The following PCDHA6 variants were observed in gnomAD, a reference collection of about 807,000 sequenced individuals.
The protein encoded by PCDHA6 is protocadherin alpha-6.
Under a neutral mutation model 60.3 loss-of-function variants are expected in PCDHA6, and 55 were observed. The ratio of observed to expected loss-of-function variants is 0.91; its 90% CI spans 0.73 to 1.14. PCDHA6 has a LOEUF of 1.14. Among genes scored for constraint, PCDHA6 ranks in the 50% most tolerant of loss-of-function variants. The probability of loss-of-function intolerance (pLI) is 0.00; values close to 1 mark genes in which losing one functional copy is unlikely to be tolerated. For missense variants in PCDHA6, 1,327 were observed against 1,256.5 expected (o/e 1.06, Z -0.85); for synonymous variants, 652 against 557.9 (o/e 1.17, Z -2.38).
intron 1 of PCDHA6, among the ~76,000 whole-genome samples, chr5:140,831,711 T>C (rs1771678683): frequency 6.6e-6 from 1 of 152,072 alleles, no homozygotes; most frequent in East Asian, 1.9e-4. Context: ...TGATTAAGTG[T>C]GAGTTTTGGT....
At chr5:140,870,338 T>C in intron 1 of PCDHA6, 1 of 1,614,186 alleles carries the variant, frequency 6.2e-7, no homozygotes, top group Non-Finnish European at 8.5e-7. Context: ...GACAGCGCCC[T>C]GGACCGCGAG....
Position 141,009,469 on chromosome 5 carries a change from A to G in PCDHA6, c.2543-158A>G, listed in dbSNP as rs1440766583. On this transcript the variant is annotated intron_variant, in intron 3 of 3. Transcript: ENST00000529310. Reference sequence around the variant, plus strand: ...AAAAAAATTAAACAAATAAATAAATAAGTAAACACTTGCCTTGCCCTCAGA... The same window carrying G: ...AAAAAAATTAAACAAATAAATAAATGAGTAAACACTTGCCTTGCCCTCAGA... 6 of 956,242 alleles carry G rather than the reference A, an allele frequency of 6.3e-6. No homozygotes were observed. The African/African-American group carries it at 7.1e-5, about 11-fold the overall frequency. 59.2% of individuals were successfully genotyped at this position (956,242 alleles called of 1,614,324 possible). A position where few individuals can be genotyped will look rare whatever the true frequency, so the allele number is the denominator to read the frequency against.
chr5:140,854,873 T>C (rs575703507), intron 1 of PCDHA6, among the ~76,000 whole-genome samples: 7 of 150,078 alleles, frequency 4.7e-5, no homozygotes, highest in African/African-American at 1.7e-4. Flanking sequence ...TTCAGAACTG[T>C]GTCTTTTGGG....
chr5:140,836,961 G>A, intron 1 of PCDHA6: 1 of 400,098 alleles, frequency 2.5e-6, no homozygotes, highest in Non-Finnish European at 4.3e-6. Context: ...GTTTATGTTG[G>A]CTACTCTCCA....
Position 140,848,453 on chromosome 5 carries a change from T to C in PCDHA6, c.2394+17968T>C. On this transcript the variant is annotated intron_variant, in intron 1 of 3. Transcript: ENST00000529310. ...CGAAATCAGATGATTTCTTCTAATT[T>C]GGAGGCAATTTTCACTAATTAGAAG... is the stretch of plus-strand genomic sequence containing the variant. 2.0e-6 allele frequency: 3 copies of C among 1,519,952 alleles called. 1 individual carries two copies. Among genetic ancestry groups the C allele is most frequent in the Non-Finnish European group, 2.7e-6 (3 of 1,116,942 alleles). The allele number at this position is 1,519,952 out of a possible 1,614,324, so 94.2% of individuals were successfully genotyped here. A position where few individuals can be genotyped will look rare whatever the true frequency, so the allele number is the denominator to read the frequency against.
intron 1 of PCDHA6, among the ~76,000 whole-genome samples, chr5:140,886,052 CT>C (rs1247635205): frequency 6.6e-6 from 1 of 152,122 alleles, no homozygotes; most frequent in Non-Finnish European, 1.5e-5. Flanking sequence ...ATAGTAACAT[CT>C]TACAAAAGCG....
At position 140,883,293 on chromosome 5, in the gene PCDHA6, A is replaced by G. The variant is rs1324977852; in HGVS notation, c.2394+52808A>G. On this transcript the variant is annotated intron_variant, in intron 1 of 3. Coordinates refer to ENST00000529310, the MANE Select transcript of PCDHA6 (RefSeq NM_018909.4). ...TGTACCCTTTTGGTGGAAGTACTAGATGTAAATGATAACGCCCCAGAGGTT... is the reference window on the plus strand; with the variant it reads ...TGTACCCTTTTGGTGGAAGTACTAGGTGTAAATGATAACGCCCCAGAGGTT... 2 of 1,614,102 alleles carry G rather than the reference A, an allele frequency of 1.2e-6. No homozygotes were observed. Among genetic ancestry groups the G allele is most frequent in the Non-Finnish European group, 1.7e-6 (2 of 1,180,026 alleles).
At position 141,009,998 on chromosome 5, in the gene PCDHA6, T is replaced by C. The variant is rs1046818514; in HGVS notation, c.*61T>C. 6 of 1,575,876 alleles carry C rather than the reference T, an allele frequency of 3.8e-6. No individual in the cohort carries two copies. The African/African-American group carries it at 5.5e-5, about 14-fold the overall frequency. ...TTGTAATAATGGCAAATCTCTCCCA[T>C]GTAGCAATTCCCTGCTCCTTTTTCC... is the stretch of plus-strand genomic sequence containing the variant. On this transcript the variant is annotated 3_prime_UTR_variant, in exon 4 of 4. Transcript: ENST00000529310.
At chr5:140,830,567 G>C (rs1771136580) in intron 1 of PCDHA6, 82 bp downstream of exon 1, 1 of 950,998 alleles carries the variant, frequency 1.1e-6, no homozygotes, top group South Asian at 3.4e-5. Flanking sequence ...CTATATTTCT[G>C]TTTTTAATTT....
intron 1 of PCDHA6, among the ~76,000 whole-genome samples, chr5:140,907,664 T>G (rs2073522534): frequency 6.6e-6 from 1 of 152,216 alleles, no homozygotes; most frequent in Non-Finnish European, 1.5e-5. Context: ...CAGCAGTGGC[T>G]GTAGCCAGGT....
intron 1 of PCDHA6, chr5:140,868,910 T>C: frequency 2.3e-6 from 2 of 888,770 alleles, no homozygotes; most frequent in South Asian, 3.8e-5. Flanking sequence ...GCTCTTTACT[T>C]GGTGGAAAGT....
At chr5:140,857,465 ATCT>A in intron 1 of PCDHA6, 1 of 1,598,478 alleles carries the variant, frequency 6.3e-7, no homozygotes, top group Non-Finnish European at 8.6e-7. Context: ...AGGCTGCCAC[ATCT>A]TCACGGTGTC....
chr5:140,923,461 A>G (rs530510417), intron 1 of PCDHA6, among the ~76,000 whole-genome samples: 97 of 152,204 alleles, frequency 6.4e-4, no homozygotes, highest in African/African-American at 2.2e-3. Context: ...CCAGAGAGGT[A>G]GGGGCTGCAG....
intron 1 of PCDHA6, chr5:140,836,349 G>T (rs2150258385): frequency 6.2e-7 from 1 of 1,613,710 alleles, no homozygotes; most frequent in Non-Finnish European, 8.5e-7. Context: ...GGACCACGGG[G>T]AGCCCTCGCT....
chr5:141,009,650 C>G lies in PCDHA6; in HGVS notation c.2566C>G (p.Pro856Ala). Residue 856 changes from proline to alanine, a missense_variant, in exon 4 of 4, where the codon CCT becomes GCT. Transcript: ENST00000529310. The part of the protein sequence containing the change: ...TPEPEAGEVS[P>A]PVGAGVNSNS... ...AGAACCAGAGGCAGGAGAAGTGTCCCCTCCAGTCGGTGCGGGTGTCAACAG... is the reference window on the plus strand; with the variant it reads ...AGAACCAGAGGCAGGAGAAGTGTCCGCTCCAGTCGGTGCGGGTGTCAACAG... 1 of 1,613,886 alleles carries G rather than the reference C, an allele frequency of 6.2e-7. No individual in the cohort carries two copies. Among genetic ancestry groups the G allele is most frequent in the Non-Finnish European group, 8.5e-7 (1 of 1,179,918 alleles).
At position 140,870,703 on chromosome 5, in the gene PCDHA6, G is replaced by C. The variant is rs899824906; in HGVS notation, c.2394+40218G>C. On this transcript the variant is annotated intron_variant, in intron 1 of 3. Coordinates refer to ENST00000529310, the MANE Select transcript of PCDHA6 (RefSeq NM_018909.4). ...GGAGCTGGAGCTGCTACAGTTCCAG[G>C]TGAGCGCGCGCGATGCGGGCGTGCC... is the stretch of plus-strand genomic sequence containing the variant. 6 of 1,613,034 alleles carry C rather than the reference G, an allele frequency of 3.7e-6. No homozygotes were observed. In the Admixed American group the frequency reaches 1.0e-4, roughly 27 times the overall value.
intron 1 of PCDHA6, chr5:140,966,860 T>C (rs1586162562): frequency 3.2e-6 from 5 of 1,577,484 alleles, no homozygotes; most frequent in East Asian, 2.3e-5. Context: ...CCTGCTGCTG[T>C]TGCTGCTGCT....
intron 1 of PCDHA6, chr5:140,926,635 C>A: frequency 2.3e-6 from 1 of 442,720 alleles, no homozygotes; most frequent in Non-Finnish European, 3.8e-6. Context: ...CTGCGCTCCT[C>A]AACACCCGGC....
intron 1 of PCDHA6, among the ~76,000 whole-genome samples, chr5:140,970,537 GT>G (rs111648801): frequency 0.029 from 4,476 of 152,214 alleles, 218 homozygotes; most frequent in African/African-American, 0.1. Flanking sequence ...ATGTGTGTGT[GT>G]TTGTGTTGTG....
Sources: gnomAD v4.1 joint callset for allele counts (sites outside exome capture counted in the v4.1 genomes callset) on GRCh38, gnomAD v4.1.1 for gene constraint, MANE v1.5 for transcripts, NCBI Gene and HGNC (gene_info 2026-07-23, HGNC 2026-07-21) for gene names.